SPATA6L: variants seen among roughly 807,000 people sequenced by gnomAD.
The protein encoded by SPATA6L is spermatogenesis associated 6 like, also known as spermatogenesis associated 6-like protein.
Under a neutral mutation model 49.2 loss-of-function variants are expected in SPATA6L, and 68 were observed. The observed-to-expected ratio is 1.38, with a 90% CI of 1.14 to 1.69. SPATA6L has a LOEUF of 1.69. Among genes scored for constraint, SPATA6L ranks in the 40% most tolerant of loss-of-function variants. SPATA6L has a pLI of 0.00. For synonymous variants in SPATA6L, 198 were observed against 165.7 expected, an observed-to-expected ratio of 1.19 and a Z score of -1.50; for missense variants, 668 against 464.3, an observed-to-expected ratio of 1.44 and a Z score of -4.03.
rs181174047 is a variant in SPATA6L, at chr9:4,621,415, G to T, written c.772+993C>A. 1.7e-3 allele frequency among the ~76,000 whole-genome samples: 258 copies of T among 151,892 alleles called. 1 individual carries two copies. The highest frequency in any genetic ancestry group is 5.6e-3 in the African/African-American group (232 of 41,388). ...GTTTCATTCCCATTCTCTCACCACT[G>T]CACAATGGAGTTTTCCAAAAGCTAC... On this transcript the variant is annotated intron_variant, in intron 7 of 11. Transcript: ENST00000682582.
chr9:4,636,727 A>C (rs774333011), intron 3 of SPATA6L, among the ~76,000 whole-genome samples: 6 of 152,232 alleles, frequency 3.9e-5, no homozygotes, highest in Non-Finnish European at 5.9e-5. Context: ...TCTTCCTCCT[A>C]CTAACTCCAT....
At chr9:4,652,674 TC>T (rs1837190563) in intron 3 of SPATA6L, among the ~76,000 whole-genome samples, 1 of 151,412 alleles carries the variant, frequency 6.6e-6, no homozygotes, top group Non-Finnish European at 1.5e-5. Flanking sequence ...AAACCCCGTT[TC>T]TACTAAAAAT....
At chr9:4,638,326 C>A (rs560536913) in intron 3 of SPATA6L, among the ~76,000 whole-genome samples, 2 of 152,166 alleles carry the variant, frequency 1.3e-5, no homozygotes, top group Admixed American at 1.3e-4. Context: ...ATTCTCTTGC[C>A]TCAGCCTCCC....
downstream of SPATA6L, among the ~76,000 whole-genome samples, chr9:4,596,927 CT>C (rs1477090804): frequency 6.6e-6 from 1 of 152,120 alleles, no homozygotes; most frequent in Non-Finnish European, 1.5e-5. Flanking sequence ...GGGAGCAATG[CT>C]TTCCTCAAAA....
chr9:4,638,629 T>C (rs989777810), intron 3 of SPATA6L, among the ~76,000 whole-genome samples: 1 of 151,916 alleles, frequency 6.6e-6, no homozygotes, highest in Non-Finnish European at 1.5e-5. Flanking sequence ...CCCACCCTTG[T>C]TGGCCAAAAA....
rs933477451 is a variant in SPATA6L at position 4,599,462 on chromosome 9, C to T, written c.*1349G>A. ...GTGAGAAAAGAAAACTTGGCTCTCA[C>T]TGAATCTTCTAAAAACTGAACAAGT... On this transcript the variant is annotated 3_prime_UTR_variant, in exon 12 of 12. Coordinates refer to ENST00000682582, the MANE Select transcript of SPATA6L (RefSeq NM_001353486.2). Among the ~76,000 whole-genome samples, 2 of 152,224 alleles carry T rather than the reference C, an allele frequency of 1.3e-5. No homozygotes were observed. Among genetic ancestry groups the T allele is most frequent in the Non-Finnish European group, 2.9e-5 (2 of 68,040 alleles).
chr9:4,640,692 G>C (rs1019783522), intron 3 of SPATA6L, among the ~76,000 whole-genome samples: 1 of 151,818 alleles, frequency 6.6e-6, no homozygotes, highest in Admixed American at 6.6e-5. Flanking sequence ...CATGTGCAAA[G>C]TATGCCTGTA....
intron 3 of SPATA6L, among the ~76,000 whole-genome samples, chr9:4,639,897 G>A (rs1391725707): frequency 2.0e-5 from 3 of 152,216 alleles, no homozygotes; most frequent in Non-Finnish European, 4.4e-5. Flanking sequence ...GGAAACTGAG[G>A]CTCTGAGAGT....
chr9:4,665,488 T>G (rs1840724060), intron 1 of SPATA6L, among the ~76,000 whole-genome samples: 1 of 152,206 alleles, frequency 6.6e-6, no homozygotes, highest in African/African-American at 2.4e-5. Context: ...CATTTGCCAA[T>G]TGTATGGAAG....
intron 3 of SPATA6L, among the ~76,000 whole-genome samples, chr9:4,647,937 C>T (rs187875927): frequency 2.0e-5 from 3 of 151,608 alleles, no homozygotes; most frequent in Admixed American, 1.3e-4. Flanking sequence ...CAGGTTCAAG[C>T]GATTCTCCTG....
chr9:4,634,128 T>TACCAG (rs1832259186), intron 4 of SPATA6L, among the ~76,000 whole-genome samples: 1 of 152,234 alleles, frequency 6.6e-6, no homozygotes, highest in African/African-American at 2.4e-5. Flanking sequence ...CTTGGCTGGA[T>TACCAG]ACCAGCTCAG....
At chr9:4,612,579 G>T (rs1290586027) in intron 9 of SPATA6L, among the ~76,000 whole-genome samples, 1 of 152,182 alleles carries the variant, frequency 6.6e-6, no homozygotes, top group African/African-American at 2.4e-5. Context: ...ATACGGACTT[G>T]CAGTTTCATT....
intron 10 of SPATA6L, among the ~76,000 whole-genome samples, chr9:4,604,740 T>C (rs1004927879): frequency 6.6e-6 from 1 of 152,216 alleles, no homozygotes; most frequent in African/African-American, 2.4e-5. Flanking sequence ...TTCAACTACA[T>C]GGCATCATTA....
At chr9:4,619,135 G>T (rs560463184) in intron 7 of SPATA6L, among the ~76,000 whole-genome samples, 3 of 150,602 alleles carry the variant, frequency 2.0e-5, no homozygotes, top group African/African-American at 7.3e-5. Context: ...GTCTTTTTGA[G>T]GTCAACAGTC....
At chr9:4,596,700 C>T (rs904126910), downstream of SPATA6L, among the ~76,000 whole-genome samples, 3 of 152,134 alleles carry the variant, frequency 2.0e-5, 1 homozygote, top group South Asian at 6.2e-4. Flanking sequence ...GTCAAGAGAC[C>T]TTAGTTGCTC....
chr9:4,656,558 C>G (rs780467149), intron 2 of SPATA6L, among the ~76,000 whole-genome samples: 1 of 152,104 alleles, frequency 6.6e-6, no homozygotes, highest in Non-Finnish European at 1.5e-5. Flanking sequence ...AAAATCCAGT[C>G]ACATAACATT....
chr9:4,623,647 T>C (rs1340130202), intron 6 of SPATA6L, among the ~76,000 whole-genome samples: 4 of 152,110 alleles, frequency 2.6e-5, no homozygotes, highest in Admixed American at 6.6e-5. Context: ...ATATGTAAAA[T>C]CACTGATAAA....
At chr9:4,610,822 C>T (rs1237713294) in intron 9 of SPATA6L, among the ~76,000 whole-genome samples, 2 of 152,110 alleles carry the variant, frequency 1.3e-5, no homozygotes, top group Admixed American at 6.5e-5. Flanking sequence ...TAAACAGCTT[C>T]TGCACAGCAA....
intron 9 of SPATA6L, among the ~76,000 whole-genome samples, chr9:4,613,236 AAAAG>A (rs560242149): frequency 4.0e-4 from 61 of 151,736 alleles, no homozygotes; most frequent in African/African-American, 1.1e-3. Context: ...TCAAAAAAAA[AAAAG>A]AAAGAAAGAA....
Sources: gnomAD v4.1 joint callset for allele counts (sites outside exome capture counted in the v4.1 genomes callset) on GRCh38, gnomAD v4.1.1 for gene constraint, MANE v1.5 for transcripts, NCBI Gene and HGNC (gene_info 2026-07-23, HGNC 2026-07-21) for gene names.